The following STAT1 variants were observed in gnomAD, a reference collection of about 807,000 sequenced individuals.
STAT1 encodes the protein signal transducer and activator of transcription 1.
Under a neutral mutation model 111.7 loss-of-function variants are expected in STAT1, and 24 were observed. The ratio of observed to expected loss-of-function variants is 0.21; its 90% confidence interval spans 0.16 to 0.30. The LOEUF is 0.30. Ranked by LOEUF, STAT1 falls within the 10% of genes least tolerant of loss-of-function variation. The probability of loss-of-function intolerance (pLI) is 1.00; values close to 1 mark genes in which losing one functional copy is unlikely to be tolerated. For synonymous variants in STAT1, 332 were observed against 326.5 expected, an observed-to-expected ratio of 1.02 and a Z score of -0.18; for missense variants, 351 against 911.9, an observed-to-expected ratio of 0.38 and a Z score of 7.92.
rs45446503 is a variant in STAT1, at chr2:190,994,263, C to T, written c.944+798G>A. 3.3e-3 allele frequency among the ~76,000 whole-genome samples: 500 copies of T among 152,206 alleles called. 7 individuals are homozygous for T. The highest frequency in any genetic ancestry group is 0.011 in the African/African-American group (474 of 41,532). ...GAAAGGGGCGTGTGTGGACGTGAAG[C>T]GTGGAGTGTTCAGCTAGGTCCAGGC... is the stretch of plus-strand genomic sequence containing the variant. On this transcript the variant is annotated intron_variant, in intron 10 of 24. Coordinates refer to ENST00000361099, the MANE Select transcript of STAT1 (RefSeq NM_007315.4).
Position 190,976,381 on chromosome 2 carries a change from A to G in STAT1, c.2059+459T>C, listed in dbSNP as rs1691906236. Among the ~76,000 whole-genome samples the G allele has an allele frequency of 6.6e-6, 1 of 152,240 alleles. No individual in the cohort carries two copies. Among genetic ancestry groups the G allele is most frequent in the African/African-American group, 2.4e-5 (1 of 41,458 alleles). On this transcript the variant is annotated intron_variant, in intron 22 of 24. Coordinates refer to ENST00000361099, the MANE Select transcript of STAT1 (RefSeq NM_007315.4). The surrounding 1 kb of genome is among the most constrained non-coding windows in gnomAD (Gnocchi z 6.0). ...CTCAAATGCAATTCATTGACAACTG[A>G]GAAGCAAGAGACCTGTGTTCTCAGA...
chr2:190,980,945 C>T lies in STAT1; in HGVS notation c.1583-276G>A, dbSNP rs16833142. Among the ~76,000 whole-genome samples the T allele has an allele frequency of 4.6e-3, 698 of 152,282 alleles. 5 individuals carry two copies. The highest frequency in any genetic ancestry group is 0.016 in the African/African-American group (672 of 41,556). On this transcript the variant is annotated intron_variant, in intron 18 of 24. Transcript: ENST00000361099. The surrounding 1 kb of genome is among the most constrained non-coding windows in gnomAD (Gnocchi z 6.1). ...ATGGATGGCAGATTCCTGGGCACCA[C>T]GATATGAGAGTTTTTAGGGAAAGCG...
intron 3 of STAT1, 119 bp downstream of exon 3, chr2:191,009,757 A>AAAT: frequency 7.2e-7 from 1 of 1,398,168 alleles, no homozygotes; most frequent in Non-Finnish European, 1.0e-6. Context: ...TTTCTACAAC[A>AAAT]AATAATTCCA....
Position 190,979,641 on chromosome 2 carries a change from G to A in STAT1, c.1727+131C>T. The A allele has an allele frequency of 1.3e-6, 1 of 745,280 alleles. No individual in the cohort carries two copies. The highest frequency in any genetic ancestry group is 1.5e-5 in the South Asian group (1 of 67,772). 46.2% of individuals were successfully genotyped at this position (745,280 alleles called of 1,614,324 possible). A position where few individuals can be genotyped will look rare whatever the true frequency, so the allele number is the denominator to read the frequency against. On this transcript the variant is annotated intron_variant, in intron 20 of 24. Coordinates refer to ENST00000361099, the MANE Select transcript of STAT1 (RefSeq NM_007315.4). This position sits in a 1 kb window ranked among gnomAD's most constrained non-coding sequence, Gnocchi z 5.8. The stretch of plus-strand genomic sequence containing the variant: ...TTCTACTCTTCTGAAGCCCTGAAGG[G>A]GCAGCCTATAAATGCGCACTCCTGT...
At chr2:190,994,927 AATAT>A (rs1159903683) in intron 10 of STAT1, 130 bp downstream of exon 10, 2,086 of 134,736 alleles carry the variant, frequency 0.015, 38 homozygotes, top group South Asian at 0.029. Flanking sequence ...AAAAAAAAAA[AATAT>A]ATATATATAT....
rs567408602 is a variant in STAT1, at chr2:190,991,397, G to T, written c.945-77C>A. On this transcript the variant is annotated intron_variant, in intron 10 of 24. Transcript: ENST00000361099. ...GGCAATCACAATGATTTTCCTGAAA[G>T]AAAAAAGGGGGTTAGAGAGTACGAT... 3.7e-6 allele frequency: 5 copies of T among 1,336,464 alleles called. No individual in the cohort carries two copies. The East Asian group carries it at 1.2e-4, about 31-fold the overall frequency. The allele number at this position is 1,336,464 out of a possible 1,614,324, so 82.8% of individuals were successfully genotyped here. A position where few individuals can be genotyped will look rare whatever the true frequency, so the allele number is the denominator to read the frequency against.
Position 190,978,184 on chromosome 2 carries a change from T to G in STAT1, c.1873+672A>C, listed in dbSNP as rs1183575712. On this transcript the variant is annotated intron_variant, in intron 21 of 24. Transcript: ENST00000361099. The surrounding 1 kb of genome is among the most constrained non-coding windows in gnomAD (Gnocchi z 6.1). ...ACTAAAACAAATCAGTTTTTCCTCC[T>G]GCCCTTCAAACAGACCAAACTCTAA... 6.6e-6 allele frequency among the ~76,000 whole-genome samples: 1 copy of G among 152,212 alleles called. No homozygotes were observed. Among genetic ancestry groups the G allele is most frequent in the East Asian group, 1.9e-4 (1 of 5,192 alleles).
intron 1 of STAT1, 140 bp downstream of exon 1, chr2:191,013,878 C>T: frequency 2.6e-6 from 1 of 386,294 alleles, no homozygotes. Context: ...TTGGAATACT[C>T]AGGACGCGTT....
intron 14 of STAT1, among the ~76,000 whole-genome samples, chr2:190,985,968 G>C (rs2125030895): frequency 6.6e-6 from 1 of 152,290 alleles, no homozygotes; most frequent in Admixed American, 6.5e-5. Context: ...ATGCCCTGAG[G>C]CTCGGGACAG....
Position 190,970,778 on chromosome 2 carries a change from A to G in STAT1, c.2239-61T>C. ...CTGATCTTGTGAAATGCAGACTCAT[A>G]CATTAAACATTGCTTGTCTATTCTA... On this transcript the variant is annotated intron_variant, in intron 24 of 24. Coordinates refer to ENST00000361099, the MANE Select transcript of STAT1 (RefSeq NM_007315.4). The surrounding 1 kb of genome is among the most constrained non-coding windows in gnomAD (Gnocchi z 5.4). 6.9e-7 allele frequency: 1 copy of G among 1,454,138 alleles called. No homozygotes were observed. Among genetic ancestry groups the G allele is most frequent in the Non-Finnish European group, 9.7e-7 (1 of 1,036,068 alleles). The allele number at this position is 1,454,138 out of a possible 1,614,324, so 90.1% of individuals were successfully genotyped here. A position where few individuals can be genotyped will look rare whatever the true frequency, so the allele number is the denominator to read the frequency against.
chr2:190,978,805 G>A lies in STAT1; in HGVS notation c.1873+51C>T. 6.2e-7 allele frequency: 1 copy of A among 1,608,060 alleles called. No homozygotes were observed. Among genetic ancestry groups the A allele is most frequent in the Non-Finnish European group, 8.5e-7 (1 of 1,177,550 alleles). On this transcript the variant is annotated intron_variant, in intron 21 of 24. Transcript: ENST00000361099. This position sits in a 1 kb window ranked among gnomAD's most constrained non-coding sequence, Gnocchi z 6.1. ...TGAGCTGACTGGCGGCGATGAAGAG[G>A]GACTTCACACACATGGAATGGTGGG... is the stretch of plus-strand genomic sequence containing the variant.
chr2:190,976,898 C>A lies in STAT1; in HGVS notation c.2001G>T (p.Leu667=), dbSNP rs772898459. The A allele has an allele frequency of 3.1e-6, 5 of 1,614,134 alleles. No individual in the cohort carries two copies. The East Asian group carries it at 8.9e-5, about 29-fold the overall frequency. Residue 667 remains leucine, a synonymous_variant, in exon 22 of 25, where the codon CTG becomes CTT. Coordinates refer to ENST00000361099, the MANE Select transcript of STAT1 (RefSeq NM_007315.4). The surrounding 1 kb of genome is among the most constrained non-coding windows in gnomAD (Gnocchi z 6.0). ...ENIPENPLKY[L]YPNIDKDHAF... is the part of the protein sequence containing the mutation. ...CATGGTCTTTGTCAATATTTGGATA[C>A]AGATACTTCAGGGGATTCTCAGGAA... is the stretch of plus-strand genomic sequence containing the variant.
At chr2:191,005,284 A>C (rs7355231) in intron 5 of STAT1, among the ~76,000 whole-genome samples, 4,940 of 152,318 alleles carry the variant, frequency 0.032, 288 homozygotes, top group African/African-American at 0.11. Flanking sequence ...TATTTGAAGC[A>C]AATACCAGAC....
Position 191,001,004 on chromosome 2 carries a change from C to G in STAT1, c.462+70G>C, listed in dbSNP as rs931883278. 2.3e-5 allele frequency: 29 copies of G among 1,288,356 alleles called. No individual in the cohort carries two copies. In the African/African-American group the frequency reaches 4.1e-4, roughly 18 times the overall value. 79.8% of individuals were successfully genotyped at this position (1,288,356 alleles called of 1,614,324 possible). ...GAACTCAGTTACGAGGTTTACACCC[C>G]AAGCAATTGAAACCTTTTTTCCCCT... is the stretch of plus-strand genomic sequence containing the variant. On this transcript the variant is annotated intron_variant, in intron 6 of 24. Coordinates refer to ENST00000361099, the MANE Select transcript of STAT1 (RefSeq NM_007315.4).
chr2:191,002,655 T>C (rs1694361308), intron 5 of STAT1, among the ~76,000 whole-genome samples: 1 of 152,210 alleles, frequency 6.6e-6, no homozygotes, highest in Admixed American at 6.5e-5. Context: ...GGTTTTCTCT[T>C]GTCTAATTGC....
chr2:190,979,919 AC>A lies in STAT1; in HGVS notation c.1633-54del. The A allele has an allele frequency of 8.1e-7, 1 of 1,229,784 alleles. No individual in the cohort carries two copies. Among genetic ancestry groups the A allele is most frequent in the Non-Finnish European group, 1.2e-6 (1 of 837,966 alleles). The allele number at this position is 1,229,784 out of a possible 1,614,324, so 76.2% of individuals were successfully genotyped here. ...GAACAAAAATCTAAAACAATGACTT[AC>A]CATGGCCCCTCCCACCATCATTTGC... On this transcript the variant is annotated intron_variant, in intron 19 of 24. Coordinates refer to ENST00000361099, the MANE Select transcript of STAT1 (RefSeq NM_007315.4). This position sits in a 1 kb window ranked among gnomAD's most constrained non-coding sequence, Gnocchi z 5.8.
chr2:190,990,519 T>C lies in STAT1; in HGVS notation c.1037+709A>G, dbSNP rs1367059631. Among the ~76,000 whole-genome samples, 1 of 152,164 alleles carries C rather than the reference T, an allele frequency of 6.6e-6. No homozygotes were observed. The highest frequency in any genetic ancestry group is 1.5e-5 in the Non-Finnish European group (1 of 68,024). On this transcript the variant is annotated intron_variant, in intron 11 of 24. Transcript: ENST00000361099. This position sits in a 1 kb window ranked among gnomAD's most constrained non-coding sequence, Gnocchi z 5.1. ...CATATTCCTGGAAACACTTCTACAA[T>C]TAGTATCGAGGAGAAAGACTACAAA...
chr2:191,009,600 C>G (rs1233131071), intron 3 of STAT1, among the ~76,000 whole-genome samples: 1 of 152,154 alleles, frequency 6.6e-6, no homozygotes, highest in Non-Finnish European at 1.5e-5. Context: ...TGTCAGTATT[C>G]CGTAACTTGT....
rs1472126489 is a variant in STAT1, at chr2:190,984,771, T to C, written c.1264-378A>G. 1.3e-5 allele frequency among the ~76,000 whole-genome samples: 2 copies of C among 152,212 alleles called. No homozygotes were observed. The highest frequency in any genetic ancestry group is 2.4e-5 in the African/African-American group (1 of 41,448). ...ACTGGGAGTAAGTGCATACTTGTGA[T>C]TGTCTACTGCCTACCGGAAGGGCTG... On this transcript the variant is annotated intron_variant, in intron 15 of 24. Transcript: ENST00000361099. This position sits in a 1 kb window ranked among gnomAD's most constrained non-coding sequence, Gnocchi z 5.2.
Sources: gnomAD v4.1 joint callset for allele counts (sites outside exome capture counted in the v4.1 genomes callset) on GRCh38, gnomAD v4.1.1 for gene constraint, Gnocchi (gnomAD v3.1) non-coding constraint, MANE v1.5 for transcripts, NCBI Gene and HGNC (gene_info 2026-07-23, HGNC 2026-07-21) for gene names.